Variants in PAIP1 observed in about 807,000 individuals in gnomAD.
PAIP1 encodes polyadenylate-binding protein-interacting protein 1.
A neutral mutation model predicts 61.3 loss-of-function variants in PAIP1; 16 were observed. That is an observed-to-expected ratio of 0.26 (90% confidence interval 0.18 to 0.40). PAIP1 has a LOEUF of 0.40. Among genes scored for constraint, PAIP1 ranks in the 10% least tolerant of loss-of-function variants. The probability of loss-of-function intolerance (pLI) is 1.00; values close to 1 mark genes in which losing one functional copy is unlikely to be tolerated. For missense variants in PAIP1, 416 were observed against 600.9 expected, an observed-to-expected ratio of 0.69 and a Z score of 3.22; for synonymous variants, 187 against 226.2, an observed-to-expected ratio of 0.83 and a Z score of 1.56.
At position 43,556,936 on chromosome 5, in the gene PAIP1, C is replaced by G; in HGVS notation, c.-90G>C. The G allele has an allele frequency of 1.6e-6, 2 of 1,286,808 alleles. No homozygotes were observed. The highest frequency in any genetic ancestry group is 2.0e-6 in the Non-Finnish European group (2 of 1,017,076). 79.7% of individuals were successfully genotyped at this position (1,286,808 alleles called of 1,614,324 possible). A position where few individuals can be genotyped will look rare whatever the true frequency, so the allele number is the denominator to read the frequency against. On this transcript the variant is annotated 5_prime_UTR_variant, in exon 1 of 11. Coordinates refer to ENST00000306846, the MANE Select transcript of PAIP1 (RefSeq NM_006451.5). ...GGAAGGCGCCGCGGGTCGGCTATAG[C>G]CGCCGCGCCTCACTCGGGCCTCATG... is the stretch of plus-strand genomic sequence containing the variant.
intron 1 of PAIP1, 150 bp downstream of exon 1, chr5:43,556,432 G>A: frequency 8.3e-7 from 1 of 1,211,804 alleles, no homozygotes; most frequent in Non-Finnish European, 1.0e-6. Context: ...TTCCGGGCCC[G>A]TCCCTACCCG....
chr5:43,545,625 C>T (rs568882991), intron 3 of PAIP1, among the ~76,000 whole-genome samples: 2 of 152,278 alleles, frequency 1.3e-5, no homozygotes, highest in African/African-American at 4.8e-5. Context: ...AATCAGGTAC[C>T]ACTCACCCAC....
chr5:43,536,802 T>TAAA lies in PAIP1; in HGVS notation c.972+14_972+16dup. 15 of 1,113,578 alleles carry TAAA rather than the reference T, an allele frequency of 1.3e-5. No individual in the cohort carries two copies. The highest frequency in any genetic ancestry group is 2.5e-5 in the Admixed American group (1 of 40,048). The allele number at this position is 1,113,578 out of a possible 1,614,324, so 69.0% of individuals were successfully genotyped here. On this transcript the variant is annotated intron_variant, in intron 6 of 10. Transcript: ENST00000306846. ...AAGTAAATACGTAAATTAGTTAAAT[T>TAAA]AAAAAAAAAAACCTACCTTTAACAA... is the stretch of plus-strand genomic sequence containing the variant.
At chr5:43,556,373 C>T (rs1748075027) in intron 1 of PAIP1, 1 of 1,234,170 alleles carries the variant, frequency 8.1e-7, no homozygotes, top group Non-Finnish European at 1.0e-6. Flanking sequence ...CCGGCCCCTC[C>T]CCCCAGCCAG....
At chr5:43,544,972 AT>A (rs768860868) in intron 3 of PAIP1, among the ~76,000 whole-genome samples, 1 of 152,110 alleles carries the variant, frequency 6.6e-6, no homozygotes, top group Non-Finnish European at 1.5e-5. Context: ...ACCCTGCTTA[AT>A]TTCACCCCAC....
chr5:43,553,497 G>A (rs774644308), intron 2 of PAIP1, among the ~76,000 whole-genome samples: 5 of 152,142 alleles, frequency 3.3e-5, no homozygotes, highest in Admixed American at 2.6e-4. Context: ...CTGTATCACC[G>A]GTGCTTGACT....
intron 8 of PAIP1, among the ~76,000 whole-genome samples, chr5:43,534,325 G>A (rs557249022): frequency 6.6e-6 from 1 of 152,044 alleles, no homozygotes; most frequent in African/African-American, 2.4e-5. Flanking sequence ...TCAGCCTCCC[G>A]AGTAGCTGGG....
chr5:43,527,368 A>G lies in PAIP1; in HGVS notation c.*8T>C, dbSNP rs773025689. 4.4e-6 allele frequency: 7 copies of G among 1,582,568 alleles called. No homozygotes were observed. The South Asian group carries it at 8.2e-5, about 18-fold the overall frequency. On this transcript the variant is annotated 3_prime_UTR_variant, in exon 11 of 11. Transcript: ENST00000306846. ...TGCTTTATAAAACTGATATGCTGAA[A>G]TTTAACTTTACTGTTTTCGCTTACG...
intron 3 of PAIP1, among the ~76,000 whole-genome samples, chr5:43,544,937 C>G (rs930952311): frequency 6.6e-6 from 1 of 152,178 alleles, no homozygotes; most frequent in Admixed American, 6.5e-5. Flanking sequence ...AGTTTCCCAT[C>G]ATGGAAGATG....
At chr5:43,544,583 C>T (rs374405135) in intron 3 of PAIP1, among the ~76,000 whole-genome samples, 2 of 152,196 alleles carry the variant, frequency 1.3e-5, no homozygotes, top group Admixed American at 6.5e-5. Flanking sequence ...CTCCGCACTA[C>T]GTAATTTTTC....
At position 43,526,904 on chromosome 5, in the gene PAIP1, A is replaced by G. The variant is rs1188102775; in HGVS notation, c.*472T>C. ...ATATTCCAAGACTTTAGTGCTAAAG[A>G]TTTTCAAGATTATGATTCATATTTG... On this transcript the variant is annotated 3_prime_UTR_variant, in exon 11 of 11. Transcript: ENST00000306846. 1.3e-5 allele frequency: 2 copies of G among 151,280 alleles called. No individual in the cohort carries two copies. Among genetic ancestry groups the G allele is most frequent in the Admixed American group, 6.6e-5 (1 of 15,154 alleles). The allele number at this position is 151,280 out of a possible 1,614,324, so 9.4% of individuals were successfully genotyped here.
At chr5:43,556,216 G>A (rs1748062430) in intron 1 of PAIP1, 4 of 1,302,578 alleles carry the variant, frequency 3.1e-6, no homozygotes, top group Admixed American at 3.8e-5. Flanking sequence ...CCTCTCAAAT[G>A]AGTGCTTGCG....
intron 3 of PAIP1, among the ~76,000 whole-genome samples, chr5:43,543,750 CTG>C (rs1209852694): frequency 6.7e-6 from 1 of 150,256 alleles, no homozygotes; most frequent in African/African-American, 2.4e-5. Flanking sequence ...GTTGATATAA[CTG>C]AAGCAGTGTT....
chr5:43,549,191 T>C (rs1018625697), intron 2 of PAIP1, among the ~76,000 whole-genome samples: 2 of 152,192 alleles, frequency 1.3e-5, no homozygotes, highest in African/African-American at 4.8e-5. Context: ...TCCCCCACCT[T>C]GGCCTCCCAA....
At chr5:43,550,008 G>GC (rs1479038663) in intron 2 of PAIP1, among the ~76,000 whole-genome samples, 3 of 152,164 alleles carry the variant, frequency 2.0e-5, no homozygotes, top group Non-Finnish European at 4.4e-5. Flanking sequence ...ACAGGCGAGA[G>GC]CCACCATGCC....
chr5:43,539,978 A>AT (rs1322566571), intron 4 of PAIP1, among the ~76,000 whole-genome samples: 2 of 152,232 alleles, frequency 1.3e-5, no homozygotes, highest in Non-Finnish European at 2.9e-5. Flanking sequence ...TTTTCAAGAC[A>AT]AAGGGAAAAG....
intron 6 of PAIP1, among the ~76,000 whole-genome samples, chr5:43,536,368 A>C (rs1747156109): frequency 1.3e-5 from 2 of 152,224 alleles, no homozygotes; most frequent in African/African-American, 4.8e-5. Context: ...TAATCCAAAT[A>C]TTCATTAGTA....
In PAIP1 at chr5:43,536,847, T is replaced by C; in HGVS notation, c.944A>G (p.Asn315Ser). 1.3e-6 allele frequency: 2 copies of C among 1,532,272 alleles called. No homozygotes were observed. The highest frequency in any genetic ancestry group is 1.2e-5 in the South Asian group (1 of 83,548). The allele number at this position is 1,532,272 out of a possible 1,614,324, so 94.9% of individuals were successfully genotyped here. A position where few individuals can be genotyped will look rare whatever the true frequency, so the allele number is the denominator to read the frequency against. Residue 315 changes from asparagine (N) to serine (S), a missense_variant, in exon 6 of 11, where the codon AAT (asparagine) becomes AGT (serine). Transcript: ENST00000306846. ...NALFSNPMDD[N>S]LICAVKLLKL... ...TAACAATTTTACTGCACAAATTAAA[T>C]TGTCATCCATAGGATTAGAAAACAG...
rs183077509 is a variant in PAIP1 at position 43,534,653 on chromosome 5, T to C, written c.1197+200A>G. Among the ~76,000 whole-genome samples, 53 of 152,350 alleles carry C rather than the reference T, an allele frequency of 3.5e-4. 1 individual carries two copies. Among genetic ancestry groups the C allele is most frequent in the African/African-American group, 1.2e-3 (51 of 41,584 alleles). ...TCAATCTCTCTTGCCATTGGATATA[T>C]CTTTCTCTAGTCCACCCTTTCACTG... On this transcript the variant is annotated intron_variant, in intron 8 of 10. Coordinates refer to ENST00000306846, the MANE Select transcript of PAIP1 (RefSeq NM_006451.5).
Sources: allele counts gnomAD v4.1 joint callset (sites outside exome capture counted in the v4.1 genomes callset), GRCh38; gene constraint gnomAD v4.1.1; transcripts MANE v1.5; gene names NCBI Gene and HGNC (gene_info 2026-07-23, HGNC 2026-07-21).